Variants in NINJ1 observed in about 807,000 individuals in gnomAD.
NINJ1 encodes ninjurin 1.
A neutral mutation model predicts 12.7 loss-of-function variants in NINJ1; 6 were observed. That is an observed-to-expected ratio of 0.47 (90% CI 0.26 to 0.93). The LOEUF (loss-of-function observed/expected upper bound fraction) is 0.93, where lower values mean the gene tolerates loss of function less well. NINJ1 is among the 40% of genes least tolerant of loss of function. NINJ1 has a pLI of 0.15. For missense variants in NINJ1, 170 were observed against 213.0 expected (o/e 0.80, Z 1.26); for synonymous variants, 100 against 96.0 (o/e 1.04, Z -0.25).
intron 1 of NINJ1, among the ~76,000 whole-genome samples, chr9:93,128,213 G>A (rs1392516010): frequency 6.6e-6 from 1 of 152,164 alleles, no homozygotes; most frequent in Non-Finnish European, 1.5e-5. Flanking sequence ...GTGTGCTCTC[G>A]GGTCACTCCA....
chr9:93,123,236 C>A (rs2130745530), intron 3 of NINJ1, among the ~76,000 whole-genome samples: 1 of 151,992 alleles, frequency 6.6e-6, no homozygotes. Flanking sequence ...GCTCCCAACC[C>A]AGCTGCTGGC....
chr9:93,129,486 T>A (rs1474862015), intron 1 of NINJ1, among the ~76,000 whole-genome samples: 1 of 152,180 alleles, frequency 6.6e-6, no homozygotes, highest in East Asian at 1.9e-4. Context: ...GGCCATCTGC[T>A]TCCTGTCCAA....
At chr9:93,126,303 C>G in intron 2 of NINJ1, 107 bp downstream of exon 2, 1 of 925,718 alleles carries the variant, frequency 1.1e-6, no homozygotes, top group South Asian at 1.6e-5. Context: ...AACTCGGCAG[C>G]TCCTTGAGAG....
Position 93,125,061 on chromosome 9 carries a change from GA to G in NINJ1, c.305del (p.Val102AlafsTer30). 1 of 1,610,482 alleles carries G rather than the reference GA, an allele frequency of 6.2e-7. No individual in the cohort carries two copies. The highest frequency in any genetic ancestry group is 8.5e-7 in the Non-Finnish European group (1 of 1,177,882). On this transcript the variant is annotated frameshift_variant and splice_region_variant, in exon 3 of 4. Transcript: ENST00000375446. LOFTEE classifies it high-confidence loss of function. ...TGGCCGGGTTGTTAAGGTCGTACTT[GA>G]CTGTGGGCGAGAGAGGAGTGGATGG... ...IGVGVLLIFLVKYDLNNPAKH... is the reference protein window; with the variant it reads ...IGVGVLLIFLXKYDLNNPAKH...
intron 3 of NINJ1, among the ~76,000 whole-genome samples, chr9:93,123,674 G>C (rs937590982): frequency 1.6e-4 from 25 of 152,240 alleles, no homozygotes; most frequent in Admixed American, 7.2e-4. Flanking sequence ...CACTGGTGGA[G>C]AGATGGCCAC....
Position 93,134,126 on chromosome 9 carries a change from T to C in NINJ1, c.75+17A>G. 6.5e-7 allele frequency: 1 copy of C among 1,536,836 alleles called. No individual in the cohort carries two copies. The highest frequency in any genetic ancestry group is 8.8e-7 in the Non-Finnish European group (1 of 1,138,060). ...AGGGCCTGGCAAGATCATGCAGCGGTGGGGGGAAGGTCTTACCGAGGCGTC... is the reference window on the plus strand; with the variant it reads ...AGGGCCTGGCAAGATCATGCAGCGGCGGGGGGAAGGTCTTACCGAGGCGTC... On this transcript the variant is annotated intron_variant, in intron 1 of 3. Transcript: ENST00000375446.
At chr9:93,125,512 T>C (rs1182585512) in intron 2 of NINJ1, 1 of 155,852 alleles carries the variant, frequency 6.4e-6, no homozygotes, top group Non-Finnish European at 1.4e-5. Context: ...GCCCAGAAGG[T>C]AGGACTGGCA....
intron 1 of NINJ1, among the ~76,000 whole-genome samples, chr9:93,127,255 C>T (rs540923358): frequency 1.4e-3 from 213 of 152,278 alleles, no homozygotes; most frequent in African/African-American, 5.0e-3. Flanking sequence ...AGCCCGGCCC[C>T]GACACAGCAG....
Position 93,134,161 on chromosome 9 carries a change from G to A in NINJ1, c.57C>T (p.Pro19=), listed in dbSNP as rs1827941418. ...ELNGGLPPGT[P]GSPDASPARW... ...GTCTTACCGAGGCGTCCGGGGAGCC[G>A]GGTGTGCCCGGAGGCAGGCCGCCGT... The change falls in exon 1 of 4, where the codon CCC becomes CCT. Residue 19 remains proline (P), a synonymous_variant. Transcript: ENST00000375446. The A allele has an allele frequency of 3.8e-6, 6 of 1,559,062 alleles. No homozygotes were observed. The highest frequency in any genetic ancestry group is 4.3e-6 in the Non-Finnish European group (5 of 1,152,574).
At chr9:93,132,205 C>G (rs1209285672) in intron 1 of NINJ1, among the ~76,000 whole-genome samples, 1 of 152,236 alleles carries the variant, frequency 6.6e-6, no homozygotes, top group African/African-American at 2.4e-5. Flanking sequence ...GGAAGAGGAA[C>G]AGGTGTGTTG....
rs527450723 is a variant in NINJ1 at position 93,131,774 on chromosome 9, G to A, written c.75+2369C>T. Among the ~76,000 whole-genome samples, 6 of 152,322 alleles carry A rather than the reference G, an allele frequency of 3.9e-5. No individual in the cohort carries two copies. The South Asian group carries it at 6.2e-4, about 16-fold the overall frequency. ...AGGGGCGCAGGGCACACGGGGTAGGGGAGACCTGAGAGCTTCCCACGGCCG... is the reference window on the plus strand; with the variant it reads ...AGGGGCGCAGGGCACACGGGGTAGGAGAGACCTGAGAGCTTCCCACGGCCG... On this transcript the variant is annotated intron_variant, in intron 1 of 3. Coordinates refer to ENST00000375446, the MANE Select transcript of NINJ1 (RefSeq NM_004148.4).
chr9:93,123,286 A>G (rs557638548), intron 3 of NINJ1, among the ~76,000 whole-genome samples: 54 of 151,116 alleles, frequency 3.6e-4, no homozygotes, highest in African/African-American at 1.3e-3. Flanking sequence ...CCTCTTGGGG[A>G]ATTTTTTTTT....
At chr9:93,122,839 C>T (rs1827754180) in intron 3 of NINJ1, among the ~76,000 whole-genome samples, 1 of 152,240 alleles carries the variant, frequency 6.6e-6, no homozygotes, top group Admixed American at 6.5e-5. Context: ...AGACGCAGCA[C>T]CCTCTTCCCG....
intron 1 of NINJ1, among the ~76,000 whole-genome samples, chr9:93,127,861 G>C (rs1418434913): frequency 2.0e-5 from 3 of 152,236 alleles, no homozygotes. Context: ...CCGGGGTGCC[G>C]CAGGGCCACA....
intron 1 of NINJ1, among the ~76,000 whole-genome samples, chr9:93,128,214 G>A (rs1170661885): frequency 6.6e-6 from 1 of 152,154 alleles, no homozygotes; most frequent in African/African-American, 2.4e-5. Flanking sequence ...TGTGCTCTCG[G>A]GTCACTCCAT....
chr9:93,126,111 C>A, intron 2 of NINJ1: 1 of 397,200 alleles, frequency 2.5e-6, no homozygotes, highest in East Asian at 4.7e-5. Context: ...GTGGGAGGAT[C>A]GCTTGAGCCC....
chr9:93,131,111 C>A (rs543488135), intron 1 of NINJ1, among the ~76,000 whole-genome samples: 1 of 152,370 alleles, frequency 6.6e-6, no homozygotes, highest in East Asian at 1.9e-4. Context: ...TCCCCAGATG[C>A]CACACAGACA....
Position 93,125,215 on chromosome 9 carries a change from G to T in NINJ1, c.305-153C>A. 3 of 702,528 alleles carry T rather than the reference G, an allele frequency of 4.3e-6. No individual in the cohort carries two copies. In the South Asian group the frequency reaches 6.9e-5, roughly 16 times the overall value. 43.5% of individuals were successfully genotyped at this position (702,528 alleles called of 1,614,324 possible). A position where few individuals can be genotyped will look rare whatever the true frequency, so the allele number is the denominator to read the frequency against. The stretch of plus-strand genomic sequence containing the variant: ...TTTAGGATGAGTTTTGTCGCCCAGA[G>T]AAAAATACATCTGTTTTGCTGAAAC... On this transcript the variant is annotated intron_variant, in intron 2 of 3. Transcript: ENST00000375446.
chr9:93,127,681 C>A (rs575803605), intron 1 of NINJ1, among the ~76,000 whole-genome samples: 1 of 152,226 alleles, frequency 6.6e-6, no homozygotes, highest in Admixed American at 6.5e-5. Context: ...CCCCTTGGCC[C>A]GGCCCTTTGT....
Sources: gnomAD v4.1 joint callset for allele counts (sites outside exome capture counted in the v4.1 genomes callset) on GRCh38, gnomAD v4.1.1 for gene constraint, MANE v1.5 for transcripts, NCBI Gene and HGNC (gene_info 2026-07-23, HGNC 2026-07-21) for gene names.